The following IQGAP2 variants were observed in gnomAD, a reference collection of about 807,000 sequenced individuals.
IQGAP2 encodes IQ motif containing GTPase activating protein 2.
IQGAP2 carries 173 observed loss-of-function variants against 201.3 expected under a neutral mutation model. That is an observed-to-expected ratio of 0.86 (90% CI 0.76 to 0.98). The LOEUF (loss-of-function observed/expected upper bound fraction) is 0.98, where lower values mean the gene tolerates loss of function less well. Among genes scored for constraint, IQGAP2 ranks in the 50% least tolerant of loss-of-function variants. IQGAP2 has a pLI of 0.00. For synonymous variants in IQGAP2, 675 were observed against 673.9 expected, an observed-to-expected ratio of 1.00 and a Z score of -0.03; for missense variants, 1,687 against 1,864.8, an observed-to-expected ratio of 0.90 and a Z score of 1.76.
At chr5:76,509,524 G>C (rs1174393912) in intron 2 of IQGAP2, among the ~76,000 whole-genome samples, 1 of 151,840 alleles carries the variant, frequency 6.6e-6, no homozygotes, top group South Asian at 2.1e-4. Context: ...AGCCTCCCGA[G>C]TAGACTACAG....
chr5:76,507,992 G>A (rs1271511051), intron 2 of IQGAP2, among the ~76,000 whole-genome samples: 1 of 122,624 alleles, frequency 8.2e-6, no homozygotes, highest in Non-Finnish European at 1.6e-5. Context: ...GATAGAGCGT[G>A]AGACTCCTTC....
At chr5:76,620,649 A>G (rs2069663) in intron 13 of IQGAP2, among the ~76,000 whole-genome samples, 12,255 of 152,164 alleles carry the variant, frequency 0.081, 907 homozygotes, top group Admixed American at 0.2. Flanking sequence ...GTCTGCATGG[A>G]GGCTCTCGTT....
intron 2 of IQGAP2, among the ~76,000 whole-genome samples, chr5:76,533,676 G>A (rs1759455624): frequency 6.6e-6 from 1 of 152,036 alleles, no homozygotes; most frequent in Non-Finnish European, 1.5e-5. Context: ...GAGTAGCTGG[G>A]ACTACAGGCA....
At chr5:76,657,024 A>G (rs1208352784) in intron 20 of IQGAP2, among the ~76,000 whole-genome samples, 1 of 152,234 alleles carries the variant, frequency 6.6e-6, no homozygotes, top group East Asian at 1.9e-4. Flanking sequence ...GGAGCAGACT[A>G]TAAAGTGGTC....
intron 5 of IQGAP2, among the ~76,000 whole-genome samples, chr5:76,579,181 T>G (rs970512636): frequency 2.0e-5 from 3 of 152,188 alleles, no homozygotes; most frequent in Non-Finnish European, 4.4e-5. Flanking sequence ...AGACCCATAC[T>G]ACAAGTTTCA....
chr5:76,669,353 A>G (rs1744080831), intron 23 of IQGAP2, among the ~76,000 whole-genome samples: 1 of 152,246 alleles, frequency 6.6e-6, no homozygotes, highest in African/African-American at 2.4e-5. Flanking sequence ...GGAAACCTTA[A>G]GTTATACCAG....
At chr5:76,699,622 T>A (rs1747099404) in intron 33 of IQGAP2, 1 of 99,774 alleles carries the variant, frequency 1.0e-5, no homozygotes, top group Non-Finnish European at 2.0e-5. Context: ...TCTCTCTCTC[T>A]CTCTCTCTCT....
intron 2 of IQGAP2, among the ~76,000 whole-genome samples, chr5:76,467,597 AAC>A (rs1491152353): frequency 2.0e-5 from 3 of 152,218 alleles, no homozygotes; most frequent in African/African-American, 7.2e-5. Flanking sequence ...TAAAAAATTA[AAC>A]AGAGTTACCA....
At chr5:76,667,877 CTTTT>C (rs540744402) in intron 22 of IQGAP2, among the ~76,000 whole-genome samples, 1 of 123,428 alleles carries the variant, frequency 8.1e-6, no homozygotes. Flanking sequence ...AGTCCACTTT[CTTTT>C]TTTTTTTTTT....
At chr5:76,665,303 C>T (rs897953190) in intron 22 of IQGAP2, 128 bp downstream of exon 22, 6 of 770,140 alleles carry the variant, frequency 7.8e-6, no homozygotes, top group Non-Finnish European at 1.1e-5. Flanking sequence ...TACTAAGTAC[C>T]AAGTGCTGTT....
Position 76,636,141 on chromosome 5 carries a change from G to GA in IQGAP2, c.1781-887dup, listed in dbSNP as rs549616925. Among the ~76,000 whole-genome samples the GA allele has an allele frequency of 1.4e-4, 22 of 152,324 alleles. 1 individual carries two copies. In the East Asian group the frequency reaches 3.9e-3, roughly 27 times the overall value. On this transcript the variant is annotated intron_variant, in intron 15 of 35. Coordinates refer to ENST00000274364, the MANE Select transcript of IQGAP2 (RefSeq NM_006633.5). ...ATTTACATGCATTTCAATATTCTGT[G>GA]AAAAAATTCACTTGAACTCTGATTT...
At chr5:76,595,493 C>T (rs1746964360) in intron 9 of IQGAP2, among the ~76,000 whole-genome samples, 1 of 151,886 alleles carries the variant, frequency 6.6e-6, no homozygotes. Flanking sequence ...GGTGCAGTGA[C>T]TCATGCCTGT....
chr5:76,535,252 A>G (rs1279616679), intron 2 of IQGAP2, among the ~76,000 whole-genome samples: 1 of 152,184 alleles, frequency 6.6e-6, no homozygotes, highest in Non-Finnish European at 1.5e-5. Flanking sequence ...GTGAATCCAG[A>G]AAAAAATAAT....
intron 1 of IQGAP2, among the ~76,000 whole-genome samples, chr5:76,436,912 C>G (rs988606883): frequency 6.6e-6 from 1 of 151,556 alleles, no homozygotes; most frequent in African/African-American, 2.4e-5. Context: ...TTATGTTATA[C>G]ATACATACAT....
At chr5:76,460,993 C>T (rs1754416371) in intron 1 of IQGAP2, among the ~76,000 whole-genome samples, 1 of 151,462 alleles carries the variant, frequency 6.6e-6, no homozygotes, top group Admixed American at 6.6e-5. Context: ...ATTCTCTTGC[C>T]TCAGCCTCCC....
At position 76,403,738 on chromosome 5, in the gene IQGAP2, A is replaced by C; in HGVS notation, c.46+147A>C. 6.7e-6 allele frequency: 4 copies of C among 594,816 alleles called. No individual in the cohort carries two copies. Among genetic ancestry groups the C allele is most frequent in the Non-Finnish European group, 1.1e-5 (4 of 371,100 alleles). The allele number at this position is 594,816 out of a possible 1,614,324, so 36.8% of individuals were successfully genotyped here. A position where few individuals can be genotyped will look rare whatever the true frequency, so the allele number is the denominator to read the frequency against. On this transcript the variant is annotated intron_variant, in intron 1 of 35. Coordinates refer to ENST00000274364, the MANE Select transcript of IQGAP2 (RefSeq NM_006633.5). This position sits in a 1 kb window ranked among gnomAD's most constrained non-coding sequence, Gnocchi z 4.8. Reference sequence around the variant, plus strand: ...CGCGGCTGGCAAAGTTGGGAGCTGGAGTTGCAAAGGGCAGTGAATCGCGTC... The same window carrying C: ...CGCGGCTGGCAAAGTTGGGAGCTGGCGTTGCAAAGGGCAGTGAATCGCGTC...
Position 76,677,325 on chromosome 5 carries a change from T to C in IQGAP2, c.3635T>C (p.Ile1212Thr), listed in dbSNP as rs1386350221. The C allele has an allele frequency of 2.1e-5, 34 of 1,613,962 alleles. No individual in the cohort carries two copies. Among genetic ancestry groups the C allele is most frequent in the East Asian group, 4.5e-5 (2 of 44,870 alleles). The change falls in exon 28 of 36, where the codon ATT (isoleucine) becomes ACT (threonine). Residue 1212 changes from isoleucine to threonine, a missense_variant. Coordinates refer to ENST00000274364, the MANE Select transcript of IQGAP2 (RefSeq NM_006633.5). ...TVSKPVIYISIEEIISTHSLL... is the reference protein window; with the variant it reads ...TVSKPVIYISTEEIISTHSLL... The stretch of plus-strand genomic sequence containing the variant: ...AGCAAACCAGTCATTTATATTTCAA[T>C]TGAAGAAATCATCAGCACACACTCA...
At chr5:76,417,934 C>T (rs929442327) in intron 1 of IQGAP2, among the ~76,000 whole-genome samples, 2 of 151,188 alleles carry the variant, frequency 1.3e-5, no homozygotes, top group Non-Finnish European at 2.9e-5. Flanking sequence ...CCTGGCTGGG[C>T]GCGGTGGCTC....
chr5:76,522,258 C>G (rs1257793781), intron 2 of IQGAP2, among the ~76,000 whole-genome samples: 1 of 151,564 alleles, frequency 6.6e-6, no homozygotes, highest in Non-Finnish European at 1.5e-5. Context: ...TCTCGGCTCA[C>G]TGCAACCTCT....
Sources: gnomAD v4.1 joint callset for allele counts (sites outside exome capture counted in the v4.1 genomes callset) on GRCh38, gnomAD v4.1.1 for gene constraint, Gnocchi (gnomAD v3.1) non-coding constraint, MANE v1.5 for transcripts, NCBI Gene and HGNC (gene_info 2026-07-23, HGNC 2026-07-21) for gene names.